Variants in MIS18A observed in about 807,000 individuals in gnomAD.
MIS18A encodes the protein MIS18 kinetochore protein A.
A neutral mutation model predicts 25.0 loss-of-function variants in MIS18A; 14 were observed. The ratio of observed to expected loss-of-function variants is 0.56; its 90% CI spans 0.37 to 0.88. MIS18A has a LOEUF of 0.88. Ranked by LOEUF, MIS18A falls within the 40% of genes least tolerant of loss-of-function variation. The probability of loss-of-function intolerance (pLI) is 0.00; values close to 1 mark genes in which losing one functional copy is unlikely to be tolerated. For synonymous variants in MIS18A, 134 were observed against 118.6 expected, an observed-to-expected ratio of 1.13 and a Z score of -0.84; for missense variants, 292 against 290.8, an observed-to-expected ratio of 1.00 and a Z score of -0.03.
the MIS18A span, among the ~76,000 whole-genome samples, chr21:32,239,994 G>A: frequency 6.6e-6 from 1 of 152,196 alleles, no homozygotes; most frequent in African/African-American, 2.4e-5. Flanking sequence ...TGAAACAAAA[G>A]AAGTTATAAA....
At chr21:32,207,886 A>G in the MIS18A span, among the ~76,000 whole-genome samples, 1 of 152,190 alleles carries the variant, frequency 6.6e-6, no homozygotes, top group South Asian at 2.1e-4. Flanking sequence ...GGATCTGTGC[A>G]ATGGCATAGG....
At chr21:32,221,016 G>A in the MIS18A span, among the ~76,000 whole-genome samples, 1 of 152,274 alleles carries the variant, frequency 6.6e-6, no homozygotes, top group East Asian at 1.9e-4. Context: ...TGGTGTACCT[G>A]AAAGTGATGG....
the MIS18A span, among the ~76,000 whole-genome samples, chr21:32,230,445 T>C: frequency 6.6e-6 from 1 of 152,120 alleles, no homozygotes; most frequent in Non-Finnish European, 1.5e-5. Context: ...CCAGGACAAA[T>C]AAGGGACTTA....
chr21:32,179,337 T>C, the MIS18A span, among the ~76,000 whole-genome samples: 1 of 152,186 alleles, frequency 6.6e-6, no homozygotes, highest in Non-Finnish European at 1.5e-5. Flanking sequence ...TTGGCTGTCT[T>C]TGGGAGAAGT....
the MIS18A span, among the ~76,000 whole-genome samples, chr21:32,203,484 T>C: frequency 7.0e-6 from 1 of 141,984 alleles, no homozygotes; most frequent in African/African-American, 2.7e-5. Flanking sequence ...CTCAATACCA[T>C]CCTTGGGAGC....
chr21:32,208,443 A>G, the MIS18A span, among the ~76,000 whole-genome samples: 2 of 152,122 alleles, frequency 1.3e-5, no homozygotes, highest in Admixed American at 1.3e-4. Flanking sequence ...TGCTTTGGCC[A>G]TATGAGGTGC....
the MIS18A span, among the ~76,000 whole-genome samples, chr21:32,251,345 C>T: frequency 6.6e-6 from 1 of 152,088 alleles, no homozygotes; most frequent in Non-Finnish European, 1.5e-5. Flanking sequence ...GTCTCTCTCT[C>T]TCTCTTTCCT....
the MIS18A span, among the ~76,000 whole-genome samples, chr21:32,193,980 C>T: frequency 6.6e-6 from 1 of 152,054 alleles, no homozygotes; most frequent in African/African-American, 2.4e-5. Context: ...GCCAGTGGTA[C>T]CCCCTTGCCA....
At chr21:32,221,601 C>T in the MIS18A span, among the ~76,000 whole-genome samples, 6 of 151,480 alleles carry the variant, frequency 4.0e-5, no homozygotes, top group Non-Finnish European at 7.4e-5. Context: ...ACTAGTGGTC[C>T]AGGTGTGGTG....
the MIS18A span, among the ~76,000 whole-genome samples, chr21:32,187,943 C>T: frequency 1.3e-5 from 2 of 152,078 alleles, no homozygotes; most frequent in East Asian, 1.9e-4. Context: ...TCATGAGGGT[C>T]GGGCCCCCAT....
the MIS18A span, among the ~76,000 whole-genome samples, chr21:32,189,580 T>C: frequency 6.6e-6 from 1 of 152,224 alleles, no homozygotes; most frequent in Non-Finnish European, 1.5e-5. Context: ...CTCCCAGCCA[T>C]GCCTCATGCT....
chr21:32,199,163 G>A, the MIS18A span, among the ~76,000 whole-genome samples: 1 of 152,134 alleles, frequency 6.6e-6, no homozygotes, highest in East Asian at 1.9e-4. Flanking sequence ...ATATGGATTT[G>A]CATATTTAAC....
chr21:32,259,122 C>T, the MIS18A span, among the ~76,000 whole-genome samples: 1 of 152,158 alleles, frequency 6.6e-6, no homozygotes, highest in Non-Finnish European at 1.5e-5. Flanking sequence ...GATCCTCCTG[C>T]CTCGGCCTCC....
chr21:32,214,862 C>G, the MIS18A span, among the ~76,000 whole-genome samples: 2 of 152,226 alleles, frequency 1.3e-5, no homozygotes, highest in African/African-American at 4.8e-5. Context: ...GCCCCAGCCC[C>G]GGAGCCTCTG....
chr21:32,199,473 G>A, the MIS18A span, among the ~76,000 whole-genome samples: 1 of 151,986 alleles, frequency 6.6e-6, no homozygotes, highest in African/African-American at 2.4e-5. Flanking sequence ...TAAAAAAGAG[G>A]GTGGCCTCAG....
the MIS18A span, among the ~76,000 whole-genome samples, chr21:32,218,938 C>T: frequency 1.3e-4 from 20 of 151,802 alleles, 2 homozygotes; most frequent in South Asian, 2.1e-4. Context: ...TATGGTAGTG[C>T]GCACCTGTAA....
Position 32,279,042 on chromosome 21 carries a change from C to A in MIS18A, c.-28G>T. 6.4e-7 allele frequency: 1 copy of A among 1,561,384 alleles called. No individual in the cohort carries two copies. The highest frequency in any genetic ancestry group is 8.6e-7 in the Non-Finnish European group (1 of 1,156,948). On this transcript the variant is annotated 5_prime_UTR_variant, in exon 1 of 5. Transcript: ENST00000290130. ...CCTACAAATCGCCCGCGCCCCAGAG[C>A]GCCATGGGAAAAAAAACCGCCGCTG... is the stretch of plus-strand genomic sequence containing the variant.
the MIS18A span, among the ~76,000 whole-genome samples, chr21:32,212,278 C>T: frequency 7.4e-3 from 1,127 of 152,294 alleles, 9 homozygotes; most frequent in Non-Finnish European, 0.012. Context: ...GAAGGCATGA[C>T]TTTAATGTGT....
At chr21:32,157,655 T>C in the MIS18A span, among the ~76,000 whole-genome samples, 5 of 152,126 alleles carry the variant, frequency 3.3e-5, no homozygotes, top group Admixed American at 6.5e-5. Flanking sequence ...ATATCAACTA[T>C]TTTCTTGGTA....
Sources: allele counts gnomAD v4.1 joint callset (sites outside exome capture counted in the v4.1 genomes callset), GRCh38; gene constraint gnomAD v4.1.1; transcripts MANE v1.5; gene names NCBI Gene and HGNC (gene_info 2026-07-23, HGNC 2026-07-21).